The following IQSEC1 variants were observed in gnomAD, a reference collection of about 807,000 sequenced individuals.
IQSEC1 encodes the protein IQ motif and Sec7 domain ArfGEF 1.
Under a neutral mutation model 91.0 loss-of-function variants are expected in IQSEC1, and 31 were observed. The ratio of observed to expected loss-of-function variants is 0.34; its 90% CI spans 0.26 to 0.46. The LOEUF is 0.46. Among genes scored for constraint, IQSEC1 ranks in the 20% least tolerant of loss-of-function variants. The probability of loss-of-function intolerance (pLI) is 1.00; values close to 1 mark genes in which losing one functional copy is unlikely to be tolerated. For missense variants in IQSEC1, 1,388 were observed against 1,575.6 expected (o/e 0.88, Z 2.02); for synonymous variants, 699 against 662.6 (o/e 1.05, Z -0.84).
At chr3:13,236,765 G>C (rs544944390) in intron 1 of IQSEC1, among the ~76,000 whole-genome samples, 7 of 152,326 alleles carry the variant, frequency 4.6e-5, no homozygotes, top group African/African-American at 1.2e-4. Context: ...ATCAGTCTAC[G>C]CATCATCTAC....
Position 12,901,115 on chromosome 3 carries a change from G to C in IQSEC1, c.3213C>G (p.Ala1071=). 1 of 1,540,916 alleles carries C rather than the reference G, an allele frequency of 6.5e-7. No individual in the cohort carries two copies. The highest frequency in any genetic ancestry group is 8.7e-7 in the Non-Finnish European group (1 of 1,145,448). ...GCAGCGGCGGGTGGCCGTGGGCATG[G>C]GCCCCGTAGGCTGGGTGGCCCCCAT... ...GPHGGHPAYG[A]HAHGHPPLPS... Residue 1071 remains alanine (A), a synonymous_variant, in exon 14 of 14, where the codon GCC becomes GCG. Coordinates refer to ENST00000613206, the MANE Select transcript of IQSEC1 (RefSeq NM_001134382.3).
At chr3:12,961,418 G>T (rs1053836504) in intron 1 of IQSEC1, among the ~76,000 whole-genome samples, 1 of 152,218 alleles carries the variant, frequency 6.6e-6, no homozygotes, top group Non-Finnish European at 1.5e-5. Context: ...CAGGCAAAGC[G>T]ATTTTCTTAA....
At chr3:13,082,651 T>C (rs1705663990) in intron 2 of IQSEC1, among the ~76,000 whole-genome samples, 1 of 152,194 alleles carries the variant, frequency 6.6e-6, no homozygotes, top group Admixed American at 6.5e-5. Context: ...GCCTCCCTTC[T>C]TACTGTTCTA....
chr3:13,128,661 C>T (rs188248910), intron 2 of IQSEC1, among the ~76,000 whole-genome samples: 4 of 152,062 alleles, frequency 2.6e-5, no homozygotes, highest in Admixed American at 2.0e-4. Flanking sequence ...GTCAGGAGAT[C>T]GAGACCATCC....
chr3:13,138,413 G>GC (rs1471181657), intron 2 of IQSEC1, among the ~76,000 whole-genome samples: 1 of 151,970 alleles, frequency 6.6e-6, no homozygotes, highest in African/African-American at 2.4e-5. Context: ...AGACCCTGAT[G>GC]CCCCATGTGG....
Position 12,900,046 on chromosome 3 carries a change from A to G in IQSEC1, c.*937T>C, listed in dbSNP as rs1694074907. The G allele has an allele frequency of 1.0e-6, 1 of 985,316 alleles. No homozygotes were observed. Among genetic ancestry groups the G allele is most frequent in the Admixed American group, 6.1e-5 (1 of 16,266 alleles). The allele number at this position is 985,316 out of a possible 1,614,324, so 61.0% of individuals were successfully genotyped here. A position where few individuals can be genotyped will look rare whatever the true frequency, so the allele number is the denominator to read the frequency against. ...TCCGTGTAACCAATGTCCTAAGACA[A>G]CCAGCTTGTAACCAGCTGTCCTGAG... On this transcript the variant is annotated 3_prime_UTR_variant, in exon 14 of 14. Coordinates refer to ENST00000613206, the MANE Select transcript of IQSEC1 (RefSeq NM_001134382.3).
At position 13,165,578 on chromosome 3, in the gene IQSEC1, G is replaced by GTGTGTGTGTGTGTGTGTCTGTC. The variant is rs1377649445; in HGVS notation, c.273-1446_273-1445insGACAGACACACACACACACACA. Among the ~76,000 whole-genome samples, 68 of 105,716 alleles carry GTGTGTGTGTGTGTGTGTCTGTC rather than the reference G, an allele frequency of 6.4e-4. 1 individual carries two copies. The highest frequency in any genetic ancestry group is 8.1e-4 in the African/African-American group (20 of 24,622). The allele number at this position is 105,716 out of a possible 152,430, so 69.4% of individuals were successfully genotyped here. ...TGTGTGTGTGTGTGTGTGTGTGTGTGTGTCTGTCTGTCTTCACTTCATCGC... is the reference window on the plus strand; with the variant it reads ...TGTGTGTGTGTGTGTGTGTGTGTGTGTGTGTGTGTGTGTGTGTCTGTCTGTCTGTCTGTCTTCACTTCATCGC... On this transcript the variant is annotated intron_variant, in intron 1 of 15. Coordinates refer to the IQSEC1 transcript ENST00000648114.
At chr3:12,948,708 C>A (rs953063627) in intron 1 of IQSEC1, among the ~76,000 whole-genome samples, 1 of 152,166 alleles carries the variant, frequency 6.6e-6, no homozygotes, top group African/African-American at 2.4e-5. Context: ...CCCCCAATAT[C>A]GACAACGACA....
chr3:12,915,247 G>A (rs1695967162), intron 7 of IQSEC1, 114 bp from the exon 8 acceptor site: 6 of 1,186,940 alleles, frequency 5.1e-6, no homozygotes, highest in South Asian at 1.3e-5. Context: ...CAGCCAGTAT[G>A]TGGGGTACCC....
chr3:13,156,501 G>A (rs1214592409), intron 2 of IQSEC1, among the ~76,000 whole-genome samples: 2 of 152,224 alleles, frequency 1.3e-5, no homozygotes, highest in Non-Finnish European at 2.9e-5. Flanking sequence ...ACAGAAGTGG[G>A]AGCATTCAGG....
In IQSEC1 at chr3:12,923,000, C is replaced by T. The variant is rs956006965; in HGVS notation, c.1731-758G>A. ...AGGCCTGGCCACACAGGGCCTGACC[C>T]CTCTCCCAGGGCCATCTCCACATGG... On this transcript the variant is annotated intron_variant, in intron 4 of 13. Coordinates refer to ENST00000613206, the MANE Select transcript of IQSEC1 (RefSeq NM_001134382.3). The surrounding 1 kb of genome is among the most constrained non-coding windows in gnomAD (Gnocchi z 5.1). Among the ~76,000 whole-genome samples the T allele has an allele frequency of 1.3e-5, 2 of 152,182 alleles. No homozygotes were observed. The highest frequency in any genetic ancestry group is 2.9e-5 in the Non-Finnish European group (2 of 68,032).
chr3:13,242,855 G>A (rs1695042714), intron 1 of IQSEC1, among the ~76,000 whole-genome samples: 1 of 152,056 alleles, frequency 6.6e-6, no homozygotes, highest in Non-Finnish European at 1.5e-5. Context: ...AGGGAGAGAG[G>A]GAGGGAAGAG....
At chr3:13,120,119 C>T (rs1459155891) in intron 2 of IQSEC1, among the ~76,000 whole-genome samples, 1 of 152,194 alleles carries the variant, frequency 6.6e-6, no homozygotes, top group Non-Finnish European at 1.5e-5. Context: ...GGCTTGCTGC[C>T]AGCGGCTCCC....
intron 1 of IQSEC1, among the ~76,000 whole-genome samples, chr3:13,171,877 G>C (rs1693621857): frequency 6.6e-6 from 1 of 152,198 alleles, no homozygotes; most frequent in Non-Finnish European, 1.5e-5. Flanking sequence ...AGAGGTAAGG[G>C]GCAAGCGTCC....
At chr3:13,128,105 T>C (rs567998116) in intron 2 of IQSEC1, among the ~76,000 whole-genome samples, 1 of 152,236 alleles carries the variant, frequency 6.6e-6, no homozygotes, top group Non-Finnish European at 1.5e-5. Flanking sequence ...AATTGTGTTA[T>C]TGAAAATAGG....
At chr3:12,973,890 T>C (rs1431048501) in intron 1 of IQSEC1, among the ~76,000 whole-genome samples, 1 of 152,084 alleles carries the variant, frequency 6.6e-6, no homozygotes, top group African/African-American at 2.4e-5. Context: ...ATCCAAGAAC[T>C]GGTTATCTGG....
chr3:13,220,806 A>G (rs867540941), intron 1 of IQSEC1, among the ~76,000 whole-genome samples: 1 of 152,232 alleles, frequency 6.6e-6, no homozygotes, highest in Non-Finnish European at 1.5e-5. Context: ...AACTGGCCTC[A>G]TTAACAGGCC....
chr3:13,231,047 A>G (rs1010013121), intron 1 of IQSEC1, among the ~76,000 whole-genome samples: 1 of 152,196 alleles, frequency 6.6e-6, no homozygotes, highest in Non-Finnish European at 1.5e-5. Context: ...ATTTTACCAT[A>G]AATTTGATGT....
rs1158875511 is a variant in IQSEC1, at chr3:12,967,417, T to C, written c.24-25552A>G. ...GTCAAGCTCTAGCTCCAGAAGGGAC[T>C]GGGTCCTCTCCGAGTTGCAGTGCAG... On this transcript the variant is annotated intron_variant, in intron 1 of 13. Transcript: ENST00000613206. The surrounding 1 kb of genome is among the most constrained non-coding windows in gnomAD (Gnocchi z 5.9). The C allele has an allele frequency of 1.3e-6, 2 of 1,535,266 alleles. No individual in the cohort carries two copies. Among genetic ancestry groups the C allele is most frequent in the Non-Finnish European group, 1.7e-6 (2 of 1,144,730 alleles).
Sources: allele counts gnomAD v4.1 joint callset (sites outside exome capture counted in the v4.1 genomes callset), GRCh38; gene constraint gnomAD v4.1.1; non-coding constraint Gnocchi (gnomAD v3.1); transcripts MANE v1.5; gene names NCBI Gene and HGNC (gene_info 2026-07-23, HGNC 2026-07-21).